Variants in ZNF721 observed in about 807,000 individuals in gnomAD.
The protein encoded by ZNF721 is zinc finger protein 721.
ZNF721 carries 2 observed loss-of-function variants against 2.4 expected under a neutral mutation model. The observed-to-expected ratio is 0.82, with a 90% CI of 0.34 to 2.58. The LOEUF (loss-of-function observed/expected upper bound fraction) is 2.58, where lower values mean the gene tolerates loss of function less well. Ranked by LOEUF, ZNF721 falls within the 30% of genes most tolerant of loss-of-function variation. The probability of loss-of-function intolerance (pLI) is 0.11; values close to 1 mark genes in which losing one functional copy is unlikely to be tolerated. For synonymous variants in ZNF721, 398 were observed against 381.8 expected (o/e 1.04, Z -0.50); for missense variants, 1,187 against 1,085.5 (o/e 1.09, Z -1.31).
intron 1 of ZNF721, among the ~76,000 whole-genome samples, chr4:476,800 T>A (rs527408946): frequency 3.9e-4 from 60 of 152,306 alleles, no homozygotes; most frequent in African/African-American, 1.4e-3. Context: ...ATTGTAGAAG[T>A]CTTGACACAC....
At chr4:485,125 G>C (rs553841377) in intron 1 of ZNF721, among the ~76,000 whole-genome samples, 3 of 151,940 alleles carry the variant, frequency 2.0e-5, no homozygotes, top group Non-Finnish European at 4.4e-5. Context: ...TGCCTGCCTC[G>C]GCCTCCCAAA....
rs150199460 is a variant in ZNF721 at position 496,168 on chromosome 4, T to G, written c.-94+2888A>C. On this transcript the variant is annotated intron_variant, in intron 1 of 2. Coordinates refer to ENST00000511833, the MANE Select transcript of ZNF721 (RefSeq NM_133474.4). ...TTTTTGTGTGTGGGGGGTAGACGGT[T>G]GGGTATTTAGCCGCTTCAGAGGCCT... Among the ~76,000 whole-genome samples the G allele has an allele frequency of 1.4e-3, 217 of 152,252 alleles. 2 individuals are homozygous for G. Among genetic ancestry groups the G allele is most frequent in the African/African-American group, 4.8e-3 (201 of 41,554 alleles).
At chr4:447,967 G>C (rs1284714789) in intron 2 of ZNF721, among the ~76,000 whole-genome samples, 1 of 151,944 alleles carries the variant, frequency 6.6e-6, no homozygotes, top group Non-Finnish European at 1.5e-5. Context: ...AATTATACTA[G>C]GATATTTAAA....
chr4:497,091 A>C (rs564614034), intron 1 of ZNF721, among the ~76,000 whole-genome samples: 28 of 152,068 alleles, frequency 1.8e-4, no homozygotes, highest in Non-Finnish European at 1.5e-5. Context: ...ATTTAAAAAG[A>C]ATTTGCAAGA....
intron 1 of ZNF721, among the ~76,000 whole-genome samples, chr4:484,917 T>C (rs1201372114): frequency 2.6e-5 from 4 of 152,220 alleles, no homozygotes; most frequent in Non-Finnish European, 2.9e-5. Flanking sequence ...GAATAAAAAC[T>C]TGCTGGTTTT....
Position 488,861 on chromosome 4 carries a change from A to C in ZNF721, c.-94+10195T>G, listed in dbSNP as rs181044796. Among the ~76,000 whole-genome samples the C allele has an allele frequency of 2.2e-4, 33 of 152,224 alleles. No homozygotes were observed. In the South Asian group the frequency reaches 4.2e-3, roughly 19 times the overall value. The stretch of plus-strand genomic sequence containing the variant: ...AATAAAATAAATAAAATAAAATAAA[A>C]GGAAGAGGAACCCCTGAGAGAGGAG... On this transcript the variant is annotated intron_variant, in intron 1 of 2. Coordinates refer to ENST00000511833, the MANE Select transcript of ZNF721 (RefSeq NM_133474.4).
At chr4:444,546 A>G (rs570063295) in intron 2 of ZNF721, 114 bp from the exon 3 acceptor site, 55 of 1,062,682 alleles carry the variant, frequency 5.2e-5, no homozygotes, top group Non-Finnish European at 6.9e-5. Context: ...AAAATACCAC[A>G]AGTCATAACT....
chr4:484,724 AT>A (rs781894166), intron 1 of ZNF721, among the ~76,000 whole-genome samples: 10 of 152,328 alleles, frequency 6.6e-5, no homozygotes, highest in Non-Finnish European at 1.5e-4. Context: ...CTGTCTCCTG[AT>A]AAGATGTTAT....
chr4:471,084 T>C (rs1445088546), intron 2 of ZNF721, among the ~76,000 whole-genome samples: 4 of 151,968 alleles, frequency 2.6e-5, no homozygotes, highest in African/African-American at 4.8e-5. Flanking sequence ...ATAATGATGA[T>C]AACCCATTCA....
intron 1 of ZNF721, among the ~76,000 whole-genome samples, chr4:475,252 T>C (rs1355772964): frequency 1.3e-5 from 2 of 152,214 alleles, no homozygotes; most frequent in Non-Finnish European, 2.9e-5. Context: ...TATTTTACTT[T>C]TGACTGCCTT....
intron 2 of ZNF721, among the ~76,000 whole-genome samples, chr4:463,674 C>T (rs1553866380): frequency 6.6e-6 from 1 of 152,122 alleles, no homozygotes; most frequent in African/African-American, 2.4e-5. Flanking sequence ...CCAAACATCG[C>T]ATGTTCTCAC....
chr4:466,336 T>G (rs781888226), intron 2 of ZNF721, among the ~76,000 whole-genome samples: 17 of 152,224 alleles, frequency 1.1e-4, no homozygotes, highest in Non-Finnish European at 2.1e-4. Flanking sequence ...CCTATATGTT[T>G]GCAATAATAC....
intron 1 of ZNF721, among the ~76,000 whole-genome samples, chr4:494,296 T>A (rs1326775133): frequency 6.6e-6 from 1 of 151,388 alleles, no homozygotes; most frequent in Non-Finnish European, 1.5e-5. Flanking sequence ...ATTCTCCTGC[T>A]GCAACCTCCC....
At chr4:455,012 T>C (rs969366703) in intron 2 of ZNF721, among the ~76,000 whole-genome samples, 23 of 152,184 alleles carry the variant, frequency 1.5e-4, no homozygotes, top group Non-Finnish European at 8.8e-5. Flanking sequence ...CCTCTCCTCA[T>C]CTGTGCACGG....
intron 1 of ZNF721, among the ~76,000 whole-genome samples, chr4:490,646 C>T (rs2108723783): frequency 6.6e-6 from 1 of 152,240 alleles, no homozygotes; most frequent in East Asian, 1.9e-4. Flanking sequence ...ACTCAAAACA[C>T]CACAGGCCAG....
rs529442108 is a variant in ZNF721, at chr4:479,749, C to T, written c.-93-7048G>A. 8.5e-5 allele frequency among the ~76,000 whole-genome samples: 13 copies of T among 152,302 alleles called. No individual in the cohort carries two copies. In the South Asian group the frequency reaches 2.5e-3, roughly 29 times the overall value. ...ATGTGCCACCAATGCTCCATGTGGC[C>T]TTGTGGTCTGTGAAGCCAGAGGATT... On this transcript the variant is annotated intron_variant, in intron 1 of 2. Transcript: ENST00000511833.
intron 2 of ZNF721, among the ~76,000 whole-genome samples, chr4:444,677 G>C (rs1714414806): frequency 6.6e-6 from 1 of 152,118 alleles, no homozygotes; most frequent in Non-Finnish European, 1.5e-5. Context: ...CATAGAACAG[G>C]AAGGAATGTT....
At chr4:474,180 C>G in intron 1 of ZNF721, 1 of 484,098 alleles carries the variant, frequency 2.1e-6, no homozygotes. Context: ...GCCGCCCCCT[C>G]CTCTCAGACT....
intron 2 of ZNF721, chr4:453,432 T>C (rs1259781830): frequency 1.3e-5 from 2 of 152,252 alleles, no homozygotes; most frequent in Non-Finnish European, 2.9e-5. Flanking sequence ...TTGATGCTCA[T>C]GCATCTCTGT....
Sources: allele counts gnomAD v4.1 joint callset (sites outside exome capture counted in the v4.1 genomes callset), GRCh38; gene constraint gnomAD v4.1.1; transcripts MANE v1.5; gene names NCBI Gene and HGNC (gene_info 2026-07-23, HGNC 2026-07-21).